Variants in PRTG observed in about 807,000 individuals in gnomAD.
The protein encoded by PRTG is immunoglobulin superfamily, DCC subclass, member 5.
In PRTG, 67 loss-of-function variants were observed where a neutral mutation model predicts 122.5. That is an observed-to-expected ratio of 0.55 (90% CI 0.45 to 0.67). The LOEUF (loss-of-function observed/expected upper bound fraction) is 0.67. Ranked by LOEUF, PRTG falls within the 30% of genes least tolerant of loss-of-function variation. The probability of loss-of-function intolerance (pLI) is 0.00; values close to 1 mark genes in which losing one functional copy is unlikely to be tolerated. For synonymous variants in PRTG, 554 were observed against 501.1 expected (o/e 1.11, Z -1.41); for missense variants, 1,435 against 1,415.4 (o/e 1.01, Z -0.22).
In PRTG at chr15:55,714,771, G is replaced by A. The variant is rs540689695; in HGVS notation, c.397+25611C>T. On this transcript the variant is annotated intron_variant, in intron 2 of 19. Transcript: ENST00000389286. ...TTTTCTACCTAAAAATGCTATTTTT[G>A]CATCAAAATTGAGCAGCTTCTTAAA... 3.9e-5 allele frequency among the ~76,000 whole-genome samples: 6 copies of A among 152,148 alleles called. No homozygotes were observed. In the East Asian group the frequency reaches 1.2e-3, roughly 29 times the overall value.
At chr15:55,636,831 G>C (rs990130721) in intron 15 of PRTG, among the ~76,000 whole-genome samples, 3 of 152,108 alleles carry the variant, frequency 2.0e-5, no homozygotes, top group Admixed American at 6.6e-5. Context: ...ATTTTTAGTA[G>C]AGATGGGGTT....
At chr15:55,690,092 A>G (rs2059592487) in intron 2 of PRTG, among the ~76,000 whole-genome samples, 1 of 152,236 alleles carries the variant, frequency 6.6e-6, no homozygotes, top group African/African-American at 2.4e-5. Context: ...GTTAATTTCC[A>G]TGAATCACAT....
At chr15:55,622,600 C>G (rs890550345) in intron 18 of PRTG, among the ~76,000 whole-genome samples, 1 of 150,926 alleles carries the variant, frequency 6.6e-6, no homozygotes, top group Non-Finnish European at 1.5e-5. Context: ...ACCATGTTAG[C>G]TAGGATGGTC....
chr15:55,737,110 T>A (rs989931970), intron 2 of PRTG, among the ~76,000 whole-genome samples: 106 of 152,310 alleles, frequency 7.0e-4, no homozygotes, highest in African/African-American at 2.5e-3. Flanking sequence ...AACAAAGACT[T>A]AGTACCCATG....
chr15:55,656,601 G>C (rs565833863), intron 11 of PRTG, among the ~76,000 whole-genome samples: 10 of 152,188 alleles, frequency 6.6e-5, no homozygotes, highest in South Asian at 4.2e-4. Flanking sequence ...TCTGCCTCCC[G>C]GGTTCATGCC....
Position 55,672,594 on chromosome 15 carries a change from C to G in PRTG, c.1892G>C (p.Cys631Ser). 6.2e-7 allele frequency: 1 copy of G among 1,613,990 alleles called. No individual in the cohort carries two copies. Among genetic ancestry groups the G allele is most frequent in the Non-Finnish European group, 8.5e-7 (1 of 1,180,004 alleles). Residue 631 changes from cysteine to serine, a missense_variant, in exon 11 of 20, where the codon TGT becomes TCT. Transcript: ENST00000389286. ...SPELHLEPLN[C>S]TTISVRWQQD... ...CTGCCACCTCACAGAAATGGTGGTA[C>G]AGTTCAGAGGCTCCAAATGCAACTC...
chr15:55,623,084 G>A lies in PRTG; in HGVS notation c.3093+1258C>T, dbSNP rs79788749. Reference sequence around the variant, plus strand: ...ATTCATAAAATTTAGTATCAAAACTGCCTGAAATTTTGTTATACTTCTGTT... The same window carrying A: ...ATTCATAAAATTTAGTATCAAAACTACCTGAAATTTTGTTATACTTCTGTT... On this transcript the variant is annotated intron_variant, in intron 18 of 19. Transcript: ENST00000389286. Among the ~76,000 whole-genome samples, 505 of 152,126 alleles carry A rather than the reference G, an allele frequency of 3.3e-3. 15 individuals carry two copies. The East Asian group carries it at 0.085, about 26-fold the overall frequency.
intron 2 of PRTG, among the ~76,000 whole-genome samples, chr15:55,737,084 A>G (rs1366556460): frequency 6.6e-6 from 1 of 152,242 alleles, no homozygotes; most frequent in Admixed American, 6.5e-5. Flanking sequence ...TATTCCTAAA[A>G]TATTTAAATT....
chr15:55,644,368 C>CT (rs1345114270), intron 11 of PRTG, among the ~76,000 whole-genome samples: 1 of 152,058 alleles, frequency 6.6e-6, no homozygotes, highest in Admixed American at 6.6e-5. Context: ...GAGAGATAAT[C>CT]TTTTTTCTAC....
At chr15:55,647,198 T>G (rs2059328971) in intron 11 of PRTG, among the ~76,000 whole-genome samples, 1 of 152,044 alleles carries the variant, frequency 6.6e-6, no homozygotes, top group Non-Finnish European at 1.5e-5. Flanking sequence ...AAGAATCGCT[T>G]GAACCCAGGA....
At chr15:55,675,300 T>C (rs1398017208) in intron 9 of PRTG, among the ~76,000 whole-genome samples, 1 of 152,102 alleles carries the variant, frequency 6.6e-6, no homozygotes, top group African/African-American at 2.4e-5. Flanking sequence ...AGAAATACAA[T>C]GGGAATATAA....
intron 2 of PRTG, among the ~76,000 whole-genome samples, chr15:55,717,486 A>G (rs2030642212): frequency 6.6e-6 from 1 of 152,224 alleles, no homozygotes; most frequent in African/African-American, 2.4e-5. Flanking sequence ...ACCATCTGAA[A>G]GCTTTTATTC....
intron 2 of PRTG, among the ~76,000 whole-genome samples, chr15:55,698,799 G>A (rs2059645775): frequency 6.6e-6 from 1 of 151,906 alleles, no homozygotes; most frequent in Non-Finnish European, 1.5e-5. Flanking sequence ...TCAAATTAGG[G>A]CAGTCATCAG....
chr15:55,734,098 G>A (rs2141888501), intron 2 of PRTG, among the ~76,000 whole-genome samples: 1 of 152,278 alleles, frequency 6.6e-6, no homozygotes, highest in African/African-American at 2.4e-5. Context: ...TAGAGGCCAG[G>A]GATGCCGCTA....
rs779731218 is a variant in PRTG, at chr15:55,683,858, C to T, written c.471G>A (p.Lys157=). Residue 157 remains lysine (K), a synonymous_variant, in exon 3 of 20, where the codon AAG becomes AAA. Transcript: ENST00000389286. ...TGACTGCAGGAGGGTGGGATGAAAT[C>T]TTGCATGCAAATCGAGCAACTCCAC... The part of the protein sequence containing the change: ...HEGGVARFAC[K]ISSHPPAVIT... The T allele has an allele frequency of 5.6e-6, 9 of 1,613,914 alleles. No homozygotes were observed. Among genetic ancestry groups the T allele is most frequent in the Non-Finnish European group, 6.8e-6 (8 of 1,179,944 alleles).
Position 55,641,148 on chromosome 15 carries a change from T to C in PRTG, c.2102A>G (p.Gln701Arg), listed in dbSNP as rs1351325926. Reference protein sequence around the residue: ...LAYNNIDDGYQADQTVSTPGC... With the variant: ...LAYNNIDDGYRADQTVSTPGC... Reference sequence around the variant, plus strand: ...TGGAGTGCTGACAGTCTGATCTGCCTGATAGCCATCGTCTATGTTGTTGTA... The same window carrying C: ...TGGAGTGCTGACAGTCTGATCTGCCCGATAGCCATCGTCTATGTTGTTGTA... The change falls in exon 12 of 20, where the codon CAG becomes CGG. Residue 701 changes from glutamine (Q) to arginine (R), a missense_variant. By Grantham distance (43) the Gln-to-Arg change is conservative. Coordinates refer to ENST00000389286, the MANE Select transcript of PRTG (RefSeq NM_173814.6). 1 of 1,614,056 alleles carries C rather than the reference T, an allele frequency of 6.2e-7. No homozygotes were observed. Among genetic ancestry groups the C allele is most frequent in the Admixed American group, 1.7e-5 (1 of 60,018 alleles).
chr15:55,705,614 A>G (rs1381523242), intron 2 of PRTG, among the ~76,000 whole-genome samples: 1 of 149,988 alleles, frequency 6.7e-6, no homozygotes, highest in African/African-American at 2.5e-5. Flanking sequence ...CACCACACCC[A>G]GCTAATTTTT....
chr15:55,632,284 CT>C (rs1863130026), intron 15 of PRTG, among the ~76,000 whole-genome samples: 1 of 151,958 alleles, frequency 6.6e-6, no homozygotes, highest in South Asian at 2.1e-4. Context: ...ATCTGACTGG[CT>C]TTTTTTTCTA....
At chr15:55,713,003 T>A (rs1175093855) in intron 2 of PRTG, among the ~76,000 whole-genome samples, 1 of 152,166 alleles carries the variant, frequency 6.6e-6, no homozygotes, top group Admixed American at 6.6e-5. Flanking sequence ...AAATAGCACT[T>A]CGCAATATTT....
Sources: gnomAD v4.1 joint callset for allele counts (sites outside exome capture counted in the v4.1 genomes callset) on GRCh38, gnomAD v4.1.1 for gene constraint, MANE v1.5 for transcripts, NCBI Gene and HGNC (gene_info 2026-07-23, HGNC 2026-07-21) for gene names.